Variants in PBK observed in about 807,000 individuals in gnomAD.
PBK encodes the protein PDZ binding kinase, also known as lymphokine-activated killer T-cell-originated protein kinase.
PBK carries 22 observed loss-of-function variants against 33.5 expected under a neutral mutation model. The ratio of observed to expected loss-of-function variants is 0.66; its 90% CI spans 0.47 to 0.94. The LOEUF (loss-of-function observed/expected upper bound fraction) is 0.94, where lower values mean the gene tolerates loss of function less well. Among genes scored for constraint, PBK ranks in the 40% least tolerant of loss-of-function variants. The pLI is 0.00. For missense variants in PBK, 376 were observed against 383.4 expected (o/e 0.98, Z 0.16); for synonymous variants, 129 against 123.8 (o/e 1.04, Z -0.28).
chr8:27,822,942 C>T (rs1805957481), intron 4 of PBK, 121 bp downstream of exon 4: 1 of 624,196 alleles, frequency 1.6e-6, no homozygotes. Flanking sequence ...AATTTGATAC[C>T]CATTAAATAT....
At chr8:27,837,153 C>G (rs1422083461) in intron 1 of PBK, among the ~76,000 whole-genome samples, 1 of 151,526 alleles carries the variant, frequency 6.6e-6, no homozygotes, top group Non-Finnish European at 1.5e-5. Flanking sequence ...CTGTGGAATA[C>G]GTAAGATATT....
chr8:27,829,783 C>T (rs111867901), intron 2 of PBK, among the ~76,000 whole-genome samples: 1,522 of 151,988 alleles, frequency 0.01, 24 homozygotes, highest in African/African-American at 0.034. Context: ...AGGAGAATGG[C>T]GTGAACCCAG....
chr8:27,815,873 T>G (rs1805800391), intron 6 of PBK, among the ~76,000 whole-genome samples: 1 of 152,238 alleles, frequency 6.6e-6, no homozygotes, highest in Non-Finnish European at 1.5e-5. Flanking sequence ...GTTTGCTCCC[T>G]GTGAAGATGG....
intron 6 of PBK, among the ~76,000 whole-genome samples, chr8:27,816,373 ATTTAT>A (rs1316332276): frequency 9.3e-6 from 1 of 107,536 alleles, no homozygotes; most frequent in African/African-American, 3.5e-5. Context: ...TTATTTATTT[ATTTAT>A]TTTAATTTAT....
At chr8:27,819,564 A>G (rs546975258) in intron 6 of PBK, among the ~76,000 whole-genome samples, 1 of 152,232 alleles carries the variant, frequency 6.6e-6, no homozygotes, top group Admixed American at 6.5e-5. Context: ...GTTAAGGAAT[A>G]TCACCTATTA....
intron 5 of PBK, among the ~76,000 whole-genome samples, chr8:27,820,910 G>A (rs905046319): frequency 2.0e-5 from 3 of 149,990 alleles, no homozygotes; most frequent in Admixed American, 6.7e-5. Context: ...TGCAACCTCC[G>A]CCTCCTGGGT....
chr8:27,813,717 ATGAG>A (rs1805750944), intron 6 of PBK, among the ~76,000 whole-genome samples: 2 of 152,186 alleles, frequency 1.3e-5, no homozygotes, highest in African/African-American at 4.8e-5. Context: ...ATTATGCAGG[ATGAG>A]TAAGTTCTGG....
chr8:27,829,719 T>G (rs186261820), intron 2 of PBK, among the ~76,000 whole-genome samples: 1 of 149,896 alleles, frequency 6.7e-6, no homozygotes, highest in African/African-American at 2.5e-5. Context: ...GGCAAAAAAT[T>G]AGCCAGGTGT....
chr8:27,832,704 T>C (rs1426510277), intron 2 of PBK, among the ~76,000 whole-genome samples: 8 of 152,210 alleles, frequency 5.3e-5, no homozygotes, highest in Non-Finnish European at 1.2e-4. Flanking sequence ...TAGGTGTTTG[T>C]TGAAAAGATT....
At position 27,809,720 on chromosome 8, in the gene PBK, A is replaced by AAACTC. The variant is rs1805630604; in HGVS notation, c.*580_*584dup. The AAACTC allele has an allele frequency of 6.6e-6, 1 of 152,292 alleles. No homozygotes were observed. The highest frequency in any genetic ancestry group is 2.4e-5 in the African/African-American group (1 of 41,538). 9.4% of individuals were successfully genotyped at this position (152,292 alleles called of 1,614,324 possible). On this transcript the variant is annotated 3_prime_UTR_variant, in exon 8 of 8. Coordinates refer to ENST00000301905, the MANE Select transcript of PBK (RefSeq NM_018492.4). Reference sequence around the variant, plus strand: ...CTTAAGGTACAAATTAATAAATTTTAAACTCAGTATGGAAAATACATTTAA... The same window carrying AAACTC: ...CTTAAGGTACAAATTAATAAATTTTAAACTCAACTCAGTATGGAAAATACATTTAA...
intron 6 of PBK, among the ~76,000 whole-genome samples, chr8:27,816,771 T>C (rs1055898657): frequency 6.6e-6 from 1 of 152,102 alleles, no homozygotes; most frequent in African/African-American, 2.4e-5. Context: ...TCTTCATATA[T>C]GTAAATACAT....
chr8:27,811,200 G>A, intron 6 of PBK, 66 bp from the exon 7 acceptor site: 1 of 1,410,930 alleles, frequency 7.1e-7, no homozygotes, highest in Non-Finnish European at 1.0e-6. Context: ...CAACCCAAAG[G>A]GAAACAGGCG....
intron 6 of PBK, among the ~76,000 whole-genome samples, chr8:27,818,749 T>A (rs1805865353): frequency 6.6e-6 from 1 of 152,082 alleles, no homozygotes; most frequent in Non-Finnish European, 1.5e-5. Flanking sequence ...TCTTTTTTTT[T>A]AAATGGAGGT....
intron 1 of PBK, among the ~76,000 whole-genome samples, chr8:27,836,736 C>T (rs977357535): frequency 2.6e-5 from 4 of 152,030 alleles, no homozygotes; most frequent in Non-Finnish European, 5.9e-5. Context: ...AGAAGCAGCA[C>T]GTTTTAAAAA....
chr8:27,812,216 T>C (rs1465355156), intron 6 of PBK: 1 of 152,200 alleles, frequency 6.6e-6, no homozygotes, highest in Non-Finnish European at 1.5e-5. Context: ...ATCCCTTCTA[T>C]TTCTAGTTAG....
intron 6 of PBK, among the ~76,000 whole-genome samples, chr8:27,818,528 T>C (rs1805861690): frequency 6.6e-6 from 1 of 152,214 alleles, no homozygotes; most frequent in African/African-American, 2.4e-5. Context: ...TATTTAGCTT[T>C]TAAAACATTA....
intron 2 of PBK, among the ~76,000 whole-genome samples, chr8:27,828,555 A>C (rs1806069832): frequency 6.6e-6 from 1 of 152,096 alleles, no homozygotes; most frequent in Non-Finnish European, 1.5e-5. Context: ...ACTTGAGCCC[A>C]GTAGAGACCA....
Position 27,822,332 on chromosome 8 carries a change from G to C in PBK, c.452C>G (p.Ala151Gly). The change falls in exon 5 of 8, where the codon GCA becomes GGA. Residue 151 changes from alanine (A) to glycine (G), a missense_variant. Transcript: ENST00000301905. The part of the protein sequence containing the change: ...AIILKVALNM[A>G]RGLKYLHQEK... ...TGACATAGTTACCTTTAACCCTCTT[G>C]CCATATTCAAAGCAACTTTTAAAAT... The C allele has an allele frequency of 6.2e-7, 1 of 1,609,106 alleles. No homozygotes were observed. Among genetic ancestry groups the C allele is most frequent in the East Asian group, 2.2e-5 (1 of 44,744 alleles).
At chr8:27,816,905 T>C (rs1164589082) in intron 6 of PBK, among the ~76,000 whole-genome samples, 2 of 152,114 alleles carry the variant, frequency 1.3e-5, no homozygotes, top group Admixed American at 6.6e-5. Context: ...CCACCCCTTA[T>C]TGGTGGACAT....
Sources: gnomAD v4.1 joint callset for allele counts (sites outside exome capture counted in the v4.1 genomes callset) on GRCh38, gnomAD v4.1.1 for gene constraint, MANE v1.5 for transcripts, NCBI Gene and HGNC (gene_info 2026-07-23, HGNC 2026-07-21) for gene names.